Variants in KAT6B observed in about 807,000 individuals in gnomAD.
The protein encoded by KAT6B is histone acetyltransferase KAT6B.
In KAT6B, 10 loss-of-function variants were observed where a neutral mutation model predicts 187.5. The ratio of observed to expected loss-of-function variants is 0.05; its 90% confidence interval spans 0.03 to 0.09. KAT6B has a LOEUF of 0.09. Ranked by LOEUF, KAT6B falls within the 10% of genes least tolerant of loss-of-function variation. The pLI, the probability that KAT6B is intolerant of heterozygous loss-of-function variation, is 1.00. For missense variants in KAT6B, 1,952 were observed against 2,558.9 expected (o/e 0.76, Z 5.12); for synonymous variants, 861 against 926.8 (o/e 0.93, Z 1.29).
chr10:74,897,867 G>A (rs1846097784), intron 3 of KAT6B, among the ~76,000 whole-genome samples: 2 of 152,018 alleles, frequency 1.3e-5, no homozygotes, highest in African/African-American at 2.4e-5. Flanking sequence ...GAAATTTTGG[G>A]GGCTGTTTCA....
chr10:74,957,262 A>G (rs896181337), intron 3 of KAT6B, among the ~76,000 whole-genome samples: 1 of 152,256 alleles, frequency 6.6e-6, no homozygotes, highest in African/African-American at 2.4e-5. Context: ...AGTGCTTTGA[A>G]TTATCAATAA....
In KAT6B at chr10:75,032,079, C is replaced by T; in HGVS notation, c.*1033C>T. 1 of 196,344 alleles carries T rather than the reference C, an allele frequency of 5.1e-6. No homozygotes were observed. The highest frequency in any genetic ancestry group is 1.1e-5 in the Non-Finnish European group (1 of 94,430). The allele number at this position is 196,344 out of a possible 1,614,324, so 12.2% of individuals were successfully genotyped here. A position where few individuals can be genotyped will look rare whatever the true frequency, so the allele number is the denominator to read the frequency against. On this transcript the variant is annotated 3_prime_UTR_variant, in exon 18 of 18. Transcript: ENST00000287239. Reference sequence around the variant, plus strand: ...AAAAAAGCAAAAAAGTTATTTGTGTCTGTTTATATTGCTTCCTTTTTTGTA... The same window carrying T: ...AAAAAAGCAAAAAAGTTATTTGTGTTTGTTTATATTGCTTCCTTTTTTGTA...
At chr10:74,994,661 C>T (rs1215178567) in intron 13 of KAT6B, among the ~76,000 whole-genome samples, 1 of 151,912 alleles carries the variant, frequency 6.6e-6, no homozygotes, top group Non-Finnish European at 1.5e-5. Flanking sequence ...GTGGCAGGCG[C>T]CTGTAGTCCC....
At chr10:74,828,907 C>G (rs1840509506) in intron 1 of KAT6B, among the ~76,000 whole-genome samples, 2 of 150,930 alleles carry the variant, frequency 1.3e-5, no homozygotes. Context: ...TGAATTTGGA[C>G]AGTATTTTAT....
chr10:74,863,415 A>G lies in KAT6B; in HGVS notation c.621+19937A>G, dbSNP rs569701509. On this transcript the variant is annotated intron_variant, in intron 3 of 17. Transcript: ENST00000287239. ...TAAATCTTCTGCTATTACAAATAAT[A>G]CCGCTACTAAAAATTTGTGCATGTG... Among the ~76,000 whole-genome samples the G allele has an allele frequency of 2.6e-5, 4 of 152,358 alleles. No individual in the cohort carries two copies. In the East Asian group the frequency reaches 7.7e-4, roughly 29 times the overall value.
intron 3 of KAT6B, among the ~76,000 whole-genome samples, chr10:74,865,947 C>G (rs1843522638): frequency 6.6e-6 from 1 of 152,044 alleles, no homozygotes; most frequent in South Asian, 2.1e-4. Context: ...GGTCAACTTA[C>G]GTGCTGATTT....
At chr10:74,838,307 T>G (rs1468457444) in intron 1 of KAT6B, among the ~76,000 whole-genome samples, 1 of 152,196 alleles carries the variant, frequency 6.6e-6, no homozygotes, top group Non-Finnish European at 1.5e-5. Flanking sequence ...TGACTGTCTT[T>G]TTTTCTGATA....
intron 13 of KAT6B, among the ~76,000 whole-genome samples, chr10:75,016,708 C>G (rs1344519755): frequency 6.6e-6 from 1 of 152,146 alleles, no homozygotes; most frequent in Non-Finnish European, 1.5e-5. Context: ...TCTGAAACAG[C>G]CAGGTTTCTC....
intron 13 of KAT6B, among the ~76,000 whole-genome samples, chr10:75,013,098 A>G (rs1844726935): frequency 6.6e-6 from 1 of 152,130 alleles, no homozygotes; most frequent in Non-Finnish European, 1.5e-5. Context: ...GTCCATGCTC[A>G]GGGTTTCACT....
chr10:75,009,925 C>T (rs1028277799), intron 13 of KAT6B, among the ~76,000 whole-genome samples: 15 of 152,170 alleles, frequency 9.9e-5, no homozygotes, highest in Non-Finnish European at 1.8e-4. Context: ...CACTTGAACC[C>T]GGGAGATGGT....
chr10:74,947,099 A>G (rs545393541), intron 3 of KAT6B, among the ~76,000 whole-genome samples: 23 of 152,034 alleles, frequency 1.5e-4, no homozygotes, highest in Non-Finnish European at 2.5e-4. Flanking sequence ...CCCTGAGTTC[A>G]AGCAGTTCTG....
At chr10:74,905,522 C>T (rs1022528874) in intron 3 of KAT6B, among the ~76,000 whole-genome samples, 1 of 152,140 alleles carries the variant, frequency 6.6e-6, no homozygotes, top group Non-Finnish European at 1.5e-5. Context: ...TGGTGGTGGC[C>T]TGCAGGTTAA....
intron 3 of KAT6B, among the ~76,000 whole-genome samples, chr10:74,846,062 C>T (rs117797514): frequency 0.011 from 1,662 of 152,086 alleles, 18 homozygotes; most frequent in Non-Finnish European, 0.018. Context: ...TGAGGTTTCT[C>T]GATGTTGCCC....
chr10:74,858,676 T>C (rs1393823414), intron 3 of KAT6B, among the ~76,000 whole-genome samples: 1 of 152,114 alleles, frequency 6.6e-6, no homozygotes, highest in African/African-American at 2.4e-5. Flanking sequence ...TTTATCAAGA[T>C]AGGCTCTTTG....
intron 3 of KAT6B, among the ~76,000 whole-genome samples, chr10:74,894,559 A>G (rs971973455): frequency 6.6e-6 from 1 of 152,292 alleles, no homozygotes; most frequent in East Asian, 1.9e-4. Flanking sequence ...GTACCCAGGA[A>G]GCAATTCCTG....
intron 3 of KAT6B, among the ~76,000 whole-genome samples, chr10:74,872,234 C>CA (rs1397860538): frequency 6.6e-6 from 1 of 152,158 alleles, no homozygotes; most frequent in Non-Finnish European, 1.5e-5. Flanking sequence ...AACCTGGAGA[C>CA]AAGAGAAGCG....
intron 13 of KAT6B, among the ~76,000 whole-genome samples, chr10:75,006,027 C>T (rs2134010087): frequency 6.6e-6 from 1 of 152,252 alleles, no homozygotes; most frequent in East Asian, 1.9e-4. Context: ...GGACGTCAGT[C>T]TCCACAATAA....
intron 13 of KAT6B, among the ~76,000 whole-genome samples, chr10:75,002,012 G>A (rs1466851884): frequency 1.3e-5 from 2 of 152,264 alleles, no homozygotes; most frequent in Non-Finnish European, 1.5e-5. Flanking sequence ...GTCTCTGGCC[G>A]TCTCTGCACC....
intron 13 of KAT6B, among the ~76,000 whole-genome samples, chr10:75,004,816 G>C (rs1195618539): frequency 6.6e-6 from 1 of 151,880 alleles, no homozygotes; most frequent in Non-Finnish European, 1.5e-5. Flanking sequence ...ATCCTCCCAT[G>C]TCAGCCTCCC....
Sources: allele counts gnomAD v4.1 joint callset (sites outside exome capture counted in the v4.1 genomes callset), GRCh38; gene constraint gnomAD v4.1.1; transcripts MANE v1.5; gene names NCBI Gene and HGNC (gene_info 2026-07-23, HGNC 2026-07-21).